CLASP2: variants seen among roughly 807,000 people sequenced by gnomAD.
The protein encoded by CLASP2 is CLIP-associating protein 2.
In CLASP2, 47 loss-of-function variants were observed where a neutral mutation model predicts 194.4. The observed-to-expected ratio is 0.24, with a 90% CI of 0.19 to 0.31. The LOEUF (loss-of-function observed/expected upper bound fraction) is 0.31. Ranked by LOEUF, CLASP2 falls within the 10% of genes least tolerant of loss-of-function variation. The pLI, the probability that CLASP2 is intolerant of heterozygous loss-of-function variation, is 1.00. For missense variants in CLASP2, 1,445 were observed against 1,823.6 expected (o/e 0.79, Z 3.78); for synonymous variants, 619 against 633.5 (o/e 0.98, Z 0.34).
At chr3:33,533,974 CAA>C (rs755569059) in intron 34 of CLASP2, among the ~76,000 whole-genome samples, 6 of 152,158 alleles carry the variant, frequency 3.9e-5, no homozygotes, top group Non-Finnish European at 5.9e-5. Context: ...CTCGGCCTCC[CAA>C]AGTGTTGGGA....
At chr3:33,526,083 T>C (rs899024669) in intron 34 of CLASP2, among the ~76,000 whole-genome samples, 3 of 151,216 alleles carry the variant, frequency 2.0e-5, no homozygotes, top group African/African-American at 4.8e-5. Context: ...GCTTCTTCTT[T>C]TTTTTTTTTT....
chr3:33,588,280 G>A (rs1029381069), intron 21 of CLASP2, among the ~76,000 whole-genome samples: 16 of 151,996 alleles, frequency 1.1e-4, no homozygotes, highest in Admixed American at 3.3e-4. Context: ...AGCCACCAAC[G>A]CTAATTATTT....
At position 33,592,445 on chromosome 3, in the gene CLASP2, T is replaced by C. The variant is rs747713025; in HGVS notation, c.2018A>G (p.Lys673Arg). The change falls in exon 21 of 39, where the codon AAG becomes AGG. Residue 673 changes from lysine to arginine, a missense_variant. Around this residue, in one of 4 missense-constraint regions of CLASP2, gnomAD observed 174 missense variants for 179.0 expected, o/e 0.97. Transcript: ENST00000682230. ...SAPLAGMGNA[K>R]ADSRGRSRTK... ...TCGACTTCTTCCTCTAGAATCTGCC[T>C]TGGCATTTCCCATGCCAGCAAGTGG... 6.8e-6 allele frequency: 11 copies of C among 1,613,890 alleles called. No homozygotes were observed. Among genetic ancestry groups the C allele is most frequent in the Non-Finnish European group, 9.3e-6 (11 of 1,179,844 alleles).
chr3:33,548,326 C>G (rs1246698669), intron 30 of CLASP2, among the ~76,000 whole-genome samples: 1 of 151,520 alleles, frequency 6.6e-6, no homozygotes, highest in Non-Finnish European at 1.5e-5. Context: ...GAGACAGAGT[C>G]TCCCTCTGTT....
At chr3:33,656,901 C>T (rs543365291) in intron 7 of CLASP2, among the ~76,000 whole-genome samples, 85 of 152,134 alleles carry the variant, frequency 5.6e-4, no homozygotes, top group African/African-American at 1.8e-3. Flanking sequence ...TACGTAAACA[C>T]AGTCAAAGCA....
intron 34 of CLASP2, among the ~76,000 whole-genome samples, chr3:33,533,842 G>A (rs1219656809): frequency 2.0e-5 from 3 of 152,140 alleles, no homozygotes; most frequent in African/African-American, 7.2e-5. Context: ...CTCAGCTCCC[G>A]AGTAGCTGGG....
chr3:33,676,139 A>G (rs2088575458), intron 6 of CLASP2, among the ~76,000 whole-genome samples: 1 of 152,146 alleles, frequency 6.6e-6, no homozygotes, highest in African/African-American at 2.4e-5. Context: ...ATCCTAAGCC[A>G]AAAGAACAAA....
chr3:33,660,136 G>C (rs969879772), intron 7 of CLASP2, among the ~76,000 whole-genome samples: 20 of 152,136 alleles, frequency 1.3e-4, no homozygotes, highest in African/African-American at 4.6e-4. Context: ...AAGAGAAAAG[G>C]ATTTGCAATT....
At chr3:33,680,301 AC>A (rs1334644777) in intron 6 of CLASP2, among the ~76,000 whole-genome samples, 1 of 152,200 alleles carries the variant, frequency 6.6e-6, no homozygotes, top group Non-Finnish European at 1.5e-5. Flanking sequence ...ATCTGTCCAA[AC>A]CCATGAAATA....
At chr3:33,583,333 T>G (rs968907862) in intron 22 of CLASP2, among the ~76,000 whole-genome samples, 4 of 152,228 alleles carry the variant, frequency 2.6e-5, no homozygotes, top group African/African-American at 9.6e-5. Flanking sequence ...ATAACTGGTA[T>G]AAGTTATAAT....
chr3:33,692,176 T>A (rs1032783371), intron 2 of CLASP2, among the ~76,000 whole-genome samples: 3 of 151,868 alleles, frequency 2.0e-5, no homozygotes, highest in Non-Finnish European at 2.9e-5. Context: ...CTCAAAAAAA[T>A]AATAAATAAA....
chr3:33,631,696 C>CAAA (rs543092852), intron 9 of CLASP2, among the ~76,000 whole-genome samples: 2 of 107,042 alleles, frequency 1.9e-5, no homozygotes, highest in Admixed American at 9.1e-5. Context: ...GACTTCATCT[C>CAAA]AAAAAAAAAA....
chr3:33,507,658 T>C (rs956373350), intron 37 of CLASP2, among the ~76,000 whole-genome samples: 1 of 151,930 alleles, frequency 6.6e-6, no homozygotes, highest in Admixed American at 6.6e-5. Context: ...ATTTTTAAAA[T>C]TTTTTTGTAG....
intron 19 of CLASP2, 183 bp downstream of exon 19, chr3:33,596,528 C>T: frequency 1.6e-6 from 1 of 617,760 alleles, no homozygotes; most frequent in Non-Finnish European, 2.9e-6. Context: ...TATGGTATGC[C>T]CAATAGATAT....
chr3:33,540,393 T>G (rs1343787938), intron 32 of CLASP2, among the ~76,000 whole-genome samples: 1 of 151,964 alleles, frequency 6.6e-6, no homozygotes, highest in Non-Finnish European at 1.5e-5. Flanking sequence ...CACACCACCA[T>G]GCTAGGCTGA....
chr3:33,575,680 G>GT (rs1442732729), intron 24 of CLASP2, among the ~76,000 whole-genome samples: 1 of 151,998 alleles, frequency 6.6e-6, no homozygotes, highest in African/African-American at 2.4e-5. Flanking sequence ...ACTGTTTAAT[G>GT]TGTCAGACAT....
chr3:33,618,740 A>T (rs2076630831), intron 12 of CLASP2, among the ~76,000 whole-genome samples: 1 of 152,248 alleles, frequency 6.6e-6, no homozygotes, highest in South Asian at 2.1e-4. Flanking sequence ...ATACATTTGT[A>T]TAGGCACAGA....
intron 7 of CLASP2, among the ~76,000 whole-genome samples, chr3:33,652,759 C>A (rs1357061217): frequency 6.6e-6 from 1 of 152,088 alleles, no homozygotes; most frequent in African/African-American, 2.4e-5. Context: ...CACATAAAAC[C>A]AACATCATCC....
chr3:33,702,499 T>C (rs1170099014), intron 1 of CLASP2, among the ~76,000 whole-genome samples: 3 of 152,140 alleles, frequency 2.0e-5, no homozygotes, highest in African/African-American at 7.2e-5. Flanking sequence ...GCTAAAACTC[T>C]ATAGTTATTA....
Sources: gnomAD v4.1 joint callset for allele counts (sites outside exome capture counted in the v4.1 genomes callset) on GRCh38, gnomAD v4.1.1 for gene constraint, gnomAD v4.1.1 regional missense constraint, MANE v1.5 for transcripts, NCBI Gene and HGNC (gene_info 2026-07-23, HGNC 2026-07-21) for gene names.